ASAP2: variants seen among roughly 807,000 people sequenced by gnomAD.
ASAP2 encodes arf-GAP with SH3 domain, ANK repeat and PH domain-containing protein 2.
A neutral mutation model predicts 131.4 loss-of-function variants in ASAP2; 45 were observed. The ratio of observed to expected loss-of-function variants is 0.34; its 90% CI spans 0.27 to 0.44. The LOEUF (loss-of-function observed/expected upper bound fraction) is 0.44. Among genes scored for constraint, ASAP2 ranks in the 20% least tolerant of loss-of-function variants. The pLI, the probability that ASAP2 is intolerant of heterozygous loss-of-function variation, is 1.00. For missense variants in ASAP2, 1,011 were observed against 1,297.0 expected (o/e 0.78, Z 3.39); for synonymous variants, 510 against 503.0 (o/e 1.01, Z -0.19).
At chr2:9,307,202 A>C (rs1479843133) in intron 3 of ASAP2, among the ~76,000 whole-genome samples, 2 of 152,062 alleles carry the variant, frequency 1.3e-5, no homozygotes, top group African/African-American at 4.8e-5. Context: ...CTTCCCCTAG[A>C]GTTTCTGATT....
chr2:9,342,435 C>G (rs1170212162), intron 9 of ASAP2, among the ~76,000 whole-genome samples: 1 of 152,190 alleles, frequency 6.6e-6, no homozygotes, highest in Admixed American at 6.5e-5. Context: ...ACAAATTGTG[C>G]TGGGGCAGCT....
intron 2 of ASAP2, among the ~76,000 whole-genome samples, chr2:9,292,651 C>T (rs1402949558): frequency 6.6e-6 from 1 of 152,222 alleles, no homozygotes; most frequent in Non-Finnish European, 1.5e-5. Flanking sequence ...ACAAGTCTTA[C>T]CTGTCCTTGG....
chr2:9,331,754 C>T (rs957753396), intron 7 of ASAP2, among the ~76,000 whole-genome samples: 5 of 149,804 alleles, frequency 3.3e-5, no homozygotes, highest in Non-Finnish European at 5.9e-5. Context: ...GGCGACAGAG[C>T]GATTTTTTTT....
intron 7 of ASAP2, among the ~76,000 whole-genome samples, chr2:9,334,307 C>G (rs1671051210): frequency 6.6e-6 from 1 of 151,546 alleles, no homozygotes; most frequent in Non-Finnish European, 1.5e-5. Flanking sequence ...CCTTGGCCTC[C>G]CCAAGTCCCT....
rs142664793 is a variant in ASAP2, at chr2:9,289,967, G to T, written c.200-7333G>T. Among the ~76,000 whole-genome samples the T allele has an allele frequency of 2.2e-4, 31 of 142,560 alleles. No homozygotes were observed. The East Asian group carries it at 5.9e-3, about 27-fold the overall frequency. The allele number at this position is 142,560 out of a possible 152,430, so 93.5% of individuals were successfully genotyped here. Reference sequence around the variant, plus strand: ...ACAAGCCCGGGGTGTTGGAGAAGGCGGAGGAAGTGGCAGGAAGAAGCCGGT... The same window carrying T: ...ACAAGCCCGGGGTGTTGGAGAAGGCTGAGGAAGTGGCAGGAAGAAGCCGGT... On this transcript the variant is annotated intron_variant, in intron 2 of 27. Coordinates refer to ENST00000281419, the MANE Select transcript of ASAP2 (RefSeq NM_003887.3).
intron 1 of ASAP2, among the ~76,000 whole-genome samples, chr2:9,216,282 A>AT (rs113751391): frequency 0.015 from 1,876 of 123,720 alleles, 17 homozygotes; most frequent in Middle Eastern, 0.039. Flanking sequence ...GTCAGTTCAT[A>AT]TTTTTTTTTT....
chr2:9,387,077 G>A lies in ASAP2; in HGVS notation c.2131-1217G>A, dbSNP rs9679129. ...AAAAATTAGCCGGGCTTGGTGGTGG[G>A]TGGGGGGGCGCCTGTAGTCCCAGCT... On this transcript the variant is annotated intron_variant, in intron 21 of 27. Transcript: ENST00000281419. 3.6e-3 allele frequency among the ~76,000 whole-genome samples: 534 copies of A among 148,630 alleles called. 1 individual carries two copies. Among genetic ancestry groups the A allele is most frequent in the Non-Finnish European group, 6.2e-3 (416 of 67,122 alleles).
At chr2:9,363,731 C>A (rs1262091112) in intron 15 of ASAP2, among the ~76,000 whole-genome samples, 1 of 152,120 alleles carries the variant, frequency 6.6e-6, no homozygotes. Flanking sequence ...CCACCATGCC[C>A]AGCTAATTTT....
At chr2:9,224,228 T>C (rs1662612071) in intron 1 of ASAP2, among the ~76,000 whole-genome samples, 1 of 152,146 alleles carries the variant, frequency 6.6e-6, no homozygotes, top group South Asian at 2.1e-4. Context: ...GGCTTCCTGC[T>C]TGACCTCTGA....
intron 11 of ASAP2, among the ~76,000 whole-genome samples, chr2:9,346,626 G>A (rs1479148829): frequency 6.6e-6 from 1 of 152,112 alleles, no homozygotes; most frequent in Non-Finnish European, 1.5e-5. Context: ...CTTTCGAATT[G>A]GTGTCCACTC....
rs559049167 is a variant in ASAP2, at chr2:9,210,118, G to C, written c.126+2888G>C. On this transcript the variant is annotated intron_variant, in intron 1 of 27. Transcript: ENST00000281419. The stretch of plus-strand genomic sequence containing the variant: ...AGAGAGGTTAAGTAATTTGCCAAAG[G>C]TTATAGAGCTCTGAAGTGGACTTTG... 2.6e-5 allele frequency among the ~76,000 whole-genome samples: 4 copies of C among 152,272 alleles called. No homozygotes were observed. In the East Asian group the frequency reaches 7.7e-4, roughly 29 times the overall value.
In ASAP2 at chr2:9,378,951, C is replaced by G; in HGVS notation, c.1840C>G (p.Leu614Val). ...VDFLVQNSGN[L>V]DKQTGKGSTA... is the part of the protein sequence containing the mutation. ...GTTCCTGTTCTCGGGCAGTGGGAAC[C>G]TGGATAAACAGACAGGGAAAGGCAG... Residue 614 changes from leucine to valine, a missense_variant, in exon 19 of 28, where the codon CTG becomes GTG. Leu to Val is a conservative substitution (Grantham distance 32). Coordinates refer to ENST00000281419, the MANE Select transcript of ASAP2 (RefSeq NM_003887.3). 1 of 1,467,790 alleles carries G rather than the reference C, an allele frequency of 6.8e-7. No individual in the cohort carries two copies. Among genetic ancestry groups the G allele is most frequent in the Non-Finnish European group, 9.1e-7 (1 of 1,099,954 alleles). The allele number at this position is 1,467,790 out of a possible 1,614,324, so 90.9% of individuals were successfully genotyped here.
At chr2:9,343,300 T>A (rs1333240083) in intron 9 of ASAP2, among the ~76,000 whole-genome samples, 1 of 152,196 alleles carries the variant, frequency 6.6e-6, no homozygotes, top group Non-Finnish European at 1.5e-5. Context: ...CGAGCAGCCC[T>A]CGGCCCTTTC....
intron 1 of ASAP2, among the ~76,000 whole-genome samples, chr2:9,247,320 C>A (rs1013129619): frequency 1.1e-4 from 16 of 152,208 alleles, no homozygotes; most frequent in Admixed American, 3.9e-4. Flanking sequence ...CCAGAGGCTG[C>A]TGTCTTGGAA....
intron 15 of ASAP2, among the ~76,000 whole-genome samples, chr2:9,367,468 G>A (rs1220457575): frequency 6.6e-6 from 1 of 152,164 alleles, no homozygotes; most frequent in Non-Finnish European, 1.5e-5. Flanking sequence ...AAACGTTTAA[G>A]AATCTGACCT....
chr2:9,369,017 CTT>C lies in ASAP2; in HGVS notation c.1556+511_1556+512del, dbSNP rs113720607. ...GTTGATACACAACTTGACGGAGAAG[CTT>C]TTTTTTTTTTTTCTGGGAGACGGAG... On this transcript the variant is annotated intron_variant, in intron 16 of 27. Coordinates refer to ENST00000281419, the MANE Select transcript of ASAP2 (RefSeq NM_003887.3). Among the ~76,000 whole-genome samples, 380 of 145,130 alleles carry C rather than the reference CTT, an allele frequency of 2.6e-3. 2 individuals are homozygous for C. The highest frequency in any genetic ancestry group is 9.1e-3 in the African/African-American group (364 of 39,896).
Position 9,356,298 on chromosome 2 carries a change from T to C in ASAP2, c.1280T>C (p.Val427Ala), listed in dbSNP as rs1180285326. The change falls in exon 14 of 28, where the codon GTG becomes GCG. Residue 427 changes from valine to alanine, a missense_variant. Val to Ala is a moderately conservative substitution (Grantham distance 64). Transcript: ENST00000281419. ...QELTKEIISE[V>A]QRMTGNDVCC... is the part of the protein sequence containing the mutation. ...CTGACAAAGGAGATCATCTCAGAAG[T>C]GCAGAGGATGACGGGCAATGACGTC... The C allele has an allele frequency of 1.9e-6, 3 of 1,613,058 alleles. No individual in the cohort carries two copies. Among genetic ancestry groups the C allele is most frequent in the Admixed American group, 1.7e-5 (1 of 59,902 alleles).
At chr2:9,237,358 T>G (rs1663625329) in intron 1 of ASAP2, among the ~76,000 whole-genome samples, 1 of 151,818 alleles carries the variant, frequency 6.6e-6, no homozygotes, top group South Asian at 2.1e-4. Flanking sequence ...TTGAAAAGAT[T>G]AAGATGGTTC....
intron 3 of ASAP2, among the ~76,000 whole-genome samples, chr2:9,300,833 A>G (rs376740776): frequency 6.6e-6 from 1 of 152,240 alleles, no homozygotes; most frequent in African/African-American, 2.4e-5. Context: ...TTGACTGATC[A>G]TAAGGGTTCA....
Sources: allele counts gnomAD v4.1 joint callset (sites outside exome capture counted in the v4.1 genomes callset), GRCh38; gene constraint gnomAD v4.1.1; transcripts MANE v1.5; gene names NCBI Gene and HGNC (gene_info 2026-07-23, HGNC 2026-07-21).